Variants in HIPK2 observed in about 807,000 individuals in gnomAD.
HIPK2 encodes the protein homeodomain interacting protein kinase 2.
Under a neutral mutation model 113.7 loss-of-function variants are expected in HIPK2, and 27 were observed. The observed-to-expected ratio is 0.24, with a 90% CI of 0.17 to 0.33. The LOEUF is 0.33. Ranked by LOEUF, HIPK2 falls within the 10% of genes least tolerant of loss-of-function variation. The pLI, the probability that HIPK2 is intolerant of heterozygous loss-of-function variation, is 1.00. For missense variants in HIPK2, 1,257 were observed against 1,588.0 expected (o/e 0.79, Z 3.54); for synonymous variants, 631 against 642.2 (o/e 0.98, Z 0.26).
At chr7:139,732,455 C>A (rs1054939826) in intron 1 of HIPK2, among the ~76,000 whole-genome samples, 1 of 152,186 alleles carries the variant, frequency 6.6e-6, no homozygotes, top group African/African-American at 2.4e-5. Flanking sequence ...GCGCCTTCCC[C>A]ACGTACATCT....
rs1158407723 is a variant in HIPK2, at chr7:139,602,103, C to T, written c.2256-1507G>A. 2.0e-5 allele frequency among the ~76,000 whole-genome samples: 3 copies of T among 152,062 alleles called. No homozygotes were observed. In the East Asian group the frequency reaches 5.8e-4, roughly 29 times the overall value. ...GAGTAGCTGGGATTACAGGCGTGCA[C>T]TGCCACGCCCAGCTAATTTTTGTAT... is the stretch of plus-strand genomic sequence containing the variant. On this transcript the variant is annotated intron_variant, in intron 10 of 14. Transcript: ENST00000406875.
intron 1 of HIPK2, among the ~76,000 whole-genome samples, chr7:139,732,551 G>T (rs1007812384): frequency 6.6e-6 from 1 of 152,072 alleles, no homozygotes; most frequent in Non-Finnish European, 1.5e-5. Context: ...CTTCATAGGG[G>T]TCTGTATTCC....
chr7:139,589,402 T>C (rs1414886019), intron 12 of HIPK2, among the ~76,000 whole-genome samples: 4 of 134,920 alleles, frequency 3.0e-5, no homozygotes. Context: ...AAAATGAGCA[T>C]TTAAAAAAAA....
intron 1 of HIPK2, among the ~76,000 whole-genome samples, chr7:139,769,532 T>C (rs1796613954): frequency 6.6e-6 from 1 of 152,244 alleles, no homozygotes; most frequent in African/African-American, 2.4e-5. Flanking sequence ...CTAGTCTATT[T>C]TGTGCTTACC....
intron 2 of HIPK2, among the ~76,000 whole-genome samples, chr7:139,689,420 T>C (rs370322370): frequency 1.4e-4 from 21 of 152,344 alleles, no homozygotes; most frequent in African/African-American, 4.8e-4. Context: ...TAAGAAAGAA[T>C]TGGCTTGCTA....
chr7:139,654,654 C>G (rs1801592822), intron 2 of HIPK2, among the ~76,000 whole-genome samples: 1 of 152,146 alleles, frequency 6.6e-6, no homozygotes, highest in Admixed American at 6.5e-5. Context: ...TGTGAAAACT[C>G]TGAGTGCTGT....
At chr7:139,749,509 C>A (rs1184734764) in intron 1 of HIPK2, among the ~76,000 whole-genome samples, 1 of 152,230 alleles carries the variant, frequency 6.6e-6, no homozygotes, top group African/African-American at 2.4e-5. Flanking sequence ...CTGGAAAATG[C>A]AGAGCCTGAG....
intron 1 of HIPK2, among the ~76,000 whole-genome samples, chr7:139,727,340 C>T (rs1795610926): frequency 6.6e-6 from 1 of 152,000 alleles, no homozygotes; most frequent in Non-Finnish European, 1.5e-5. Context: ...CCTCTTTTCC[C>T]ACAGGGTCAG....
intron 2 of HIPK2, among the ~76,000 whole-genome samples, chr7:139,676,516 C>T (rs1421046129): frequency 6.6e-6 from 1 of 152,196 alleles, no homozygotes; most frequent in Non-Finnish European, 1.5e-5. Context: ...GTGCCAAGCA[C>T]CTCCCAGATA....
intron 2 of HIPK2, among the ~76,000 whole-genome samples, chr7:139,643,166 A>G (rs542948980): frequency 6.6e-6 from 1 of 152,288 alleles, no homozygotes; most frequent in African/African-American, 2.4e-5. Context: ...AGTGCTGAAG[A>G]CTTCAGAATG....
At chr7:139,740,072 ACT>A (rs1796056840) in intron 1 of HIPK2, among the ~76,000 whole-genome samples, 1 of 151,804 alleles carries the variant, frequency 6.6e-6, no homozygotes, top group South Asian at 2.1e-4. Context: ...TCAGGTGGCG[ACT>A]CTATGTTTAA....
Position 139,777,867 on chromosome 7 carries a change from G to C in HIPK2, c.-244C>G, listed in dbSNP as rs1796818314. The C allele has an allele frequency of 6.8e-6, 1 of 146,700 alleles. No homozygotes were observed. Among genetic ancestry groups the C allele is most frequent in the South Asian group, 2.1e-4 (1 of 4,784 alleles). 9.1% of individuals were successfully genotyped at this position (146,700 alleles called of 1,614,324 possible). The stretch of plus-strand genomic sequence containing the variant: ...CCGGCGCGGGGGGCTCGGGGCTCGG[G>C]GCTCGGGGCGGCCGGGCGGGCGGAG... On this transcript the variant is annotated 5_prime_UTR_variant, in exon 1 of 15. Coordinates refer to ENST00000406875, the MANE Select transcript of HIPK2 (RefSeq NM_022740.5).
In HIPK2 at chr7:139,564,816, A is replaced by G. The variant is rs1389079975; in HGVS notation, c.*8111T>C. The G allele has an allele frequency of 6.6e-6, 1 of 152,242 alleles. No homozygotes were observed. Among genetic ancestry groups the G allele is most frequent in the Non-Finnish European group, 1.5e-5 (1 of 68,040 alleles). The allele number at this position is 152,242 out of a possible 1,614,324, so 9.4% of individuals were successfully genotyped here. A position where few individuals can be genotyped will look rare whatever the true frequency, so the allele number is the denominator to read the frequency against. Reference sequence around the variant, plus strand: ...GCCAGAAATATGCTTAAGTATCCACAGTCAATTGTTTAGTTTACTCATTTA... The same window carrying G: ...GCCAGAAATATGCTTAAGTATCCACGGTCAATTGTTTAGTTTACTCATTTA... On this transcript the variant is annotated 3_prime_UTR_variant, in exon 15 of 15. Coordinates refer to ENST00000406875, the MANE Select transcript of HIPK2 (RefSeq NM_022740.5).
At chr7:139,721,733 T>C (rs534765688) in intron 1 of HIPK2, among the ~76,000 whole-genome samples, 85 of 152,300 alleles carry the variant, frequency 5.6e-4, no homozygotes, top group African/African-American at 1.9e-3. Flanking sequence ...AGGCGGATTT[T>C]ACTCCTTCTA....
intron 1 of HIPK2, among the ~76,000 whole-genome samples, chr7:139,773,132 A>G (rs568544719): frequency 6.6e-6 from 1 of 152,282 alleles, no homozygotes; most frequent in South Asian, 2.1e-4. Context: ...TGCTGAATGA[A>G]TGCGTTAAAG....
chr7:139,701,340 A>G (rs1371820619), intron 2 of HIPK2, among the ~76,000 whole-genome samples: 1 of 152,228 alleles, frequency 6.6e-6, no homozygotes, highest in Non-Finnish European at 1.5e-5. Flanking sequence ...GGTGAGAAAT[A>G]GTAATGTATT....
Position 139,614,421 on chromosome 7 carries a change from G to C in HIPK2, c.1855C>G (p.Leu619Val). The C allele has an allele frequency of 6.4e-7, 1 of 1,556,654 alleles. No homozygotes were observed. The highest frequency in any genetic ancestry group is 2.4e-5 in the East Asian group (1 of 42,146). Residue 619 changes from leucine to valine, a missense_variant, in exon 8 of 15, where the codon CTC (leucine) becomes GTC (valine). Around this residue, in one of 5 missense-constraint regions of HIPK2, gnomAD observed 862 missense variants for 1,004.3 expected, o/e 0.86. Coordinates refer to ENST00000406875, the MANE Select transcript of HIPK2 (RefSeq NM_022740.5). ...ATGGATGCCGCTGAGGGCTGGTAGA[G>C]TGTAGATGGGTAGTTTAGTATGGAG... is the stretch of plus-strand genomic sequence containing the variant. The part of the protein sequence containing the change: ...EVSILNYPST[L>V]YQPSAASMAA...
intron 1 of HIPK2, among the ~76,000 whole-genome samples, chr7:139,736,385 G>C (rs1009965396): frequency 6.6e-6 from 1 of 152,214 alleles, no homozygotes; most frequent in Admixed American, 6.5e-5. Context: ...CCAATGCCCT[G>C]AAGAAGCATT....
intron 1 of HIPK2, among the ~76,000 whole-genome samples, chr7:139,729,161 A>G (rs1483192325): frequency 6.6e-6 from 1 of 152,014 alleles, no homozygotes; most frequent in Non-Finnish European, 1.5e-5. Context: ...CTGTCTCTAC[A>G]AAAAACAAAA....
Sources: gnomAD v4.1 joint callset for allele counts (sites outside exome capture counted in the v4.1 genomes callset) on GRCh38, gnomAD v4.1.1 for gene constraint, gnomAD v4.1.1 regional missense constraint, MANE v1.5 for transcripts, NCBI Gene and HGNC (gene_info 2026-07-23, HGNC 2026-07-21) for gene names.